EPHA6: variants seen among roughly 807,000 people sequenced by gnomAD.
EPHA6 encodes ephrin type-A receptor 6.
Under a neutral mutation model 112.0 loss-of-function variants are expected in EPHA6, and 50 were observed. That is an observed-to-expected ratio of 0.45 (90% confidence interval 0.36 to 0.56). EPHA6 has a LOEUF of 0.56. EPHA6 is among the 20% of genes least tolerant of loss of function. The probability of loss-of-function intolerance (pLI) is 0.00; values close to 1 mark genes in which losing one functional copy is unlikely to be tolerated. For synonymous variants in EPHA6, 529 were observed against 490.7 expected, an observed-to-expected ratio of 1.08 and a Z score of -1.03; for missense variants, 1,280 against 1,417.4, an observed-to-expected ratio of 0.90 and a Z score of 1.56.
chr3:97,220,961 T>A (rs866602824), intron 3 of EPHA6, among the ~76,000 whole-genome samples: 1 of 152,018 alleles, frequency 6.6e-6, no homozygotes, highest in Non-Finnish European at 1.5e-5. Flanking sequence ...TTCCAAAAGA[T>A]GTAGTGATTT....
chr3:97,544,932 C>T lies in EPHA6; in HGVS notation c.2386+12389C>T, dbSNP rs548572300. The stretch of plus-strand genomic sequence containing the variant: ...AGTTTGTATTTCTGTGGGAAATTTG[C>T]GTCTATTTGATTCTTCTCTCTTTTC... On this transcript the variant is annotated intron_variant, in intron 11 of 17. Transcript: ENST00000389672. Among the ~76,000 whole-genome samples, 154 of 151,082 alleles carry T rather than the reference C, an allele frequency of 1.0e-3. 1 individual carries two copies. The highest frequency in any genetic ancestry group is 2.8e-3 in the African/African-American group (117 of 41,394).
At chr3:97,381,259 G>A (rs57263364) in intron 5 of EPHA6, among the ~76,000 whole-genome samples, 6,810 of 151,948 alleles carry the variant, frequency 0.045, 495 homozygotes, top group African/African-American at 0.15. Flanking sequence ...ATATTTATTA[G>A]CATAATAATG....
At chr3:97,031,383 T>C (rs1187562980) in intron 3 of EPHA6, among the ~76,000 whole-genome samples, 2 of 152,082 alleles carry the variant, frequency 1.3e-5, no homozygotes, top group Non-Finnish European at 2.9e-5. Context: ...GACATAGGCA[T>C]GGGCAAGGAC....
At chr3:97,253,758 A>C (rs1222054638) in intron 5 of EPHA6, among the ~76,000 whole-genome samples, 1 of 152,058 alleles carries the variant, frequency 6.6e-6, no homozygotes, top group Non-Finnish European at 1.5e-5. Context: ...TTACTTTATA[A>C]TGCTCATATT....
chr3:97,294,253 C>G (rs2080799449), intron 5 of EPHA6, among the ~76,000 whole-genome samples: 2 of 152,204 alleles, frequency 1.3e-5, no homozygotes, highest in Non-Finnish European at 2.9e-5. Context: ...ACAAAGCACA[C>G]AGCCCCCAGC....
intron 5 of EPHA6, among the ~76,000 whole-genome samples, chr3:97,330,276 G>A (rs1425491654): frequency 1.3e-5 from 2 of 152,080 alleles, no homozygotes; most frequent in Non-Finnish European, 2.9e-5. Flanking sequence ...TGTTCTTTAG[G>A]CTTAGGATTG....
intron 3 of EPHA6, among the ~76,000 whole-genome samples, chr3:97,176,257 A>G (rs1368542836): frequency 2.6e-5 from 4 of 151,930 alleles, no homozygotes; most frequent in African/African-American, 7.2e-5. Context: ...CCACTTGGTC[A>G]TGATGAATGA....
At chr3:97,101,322 C>G (rs2047396806) in intron 3 of EPHA6, among the ~76,000 whole-genome samples, 1 of 152,038 alleles carries the variant, frequency 6.6e-6, no homozygotes, top group African/African-American at 2.4e-5. Context: ...TAAAATGTCA[C>G]TGATAGGATG....
chr3:97,398,846 G>T (rs2086832423), intron 5 of EPHA6, among the ~76,000 whole-genome samples: 1 of 151,312 alleles, frequency 6.6e-6, no homozygotes, highest in South Asian at 2.1e-4. Flanking sequence ...CATAAAAATG[G>T]TATATATTTA....
intron 2 of EPHA6, among the ~76,000 whole-genome samples, chr3:96,923,482 G>GTT (rs545077444): frequency 2.7e-5 from 4 of 146,752 alleles, no homozygotes; most frequent in East Asian, 4.0e-4. Context: ...ACTATTTAAG[G>GTT]TTTTTTTTTT....
intron 5 of EPHA6, among the ~76,000 whole-genome samples, chr3:97,305,813 G>C (rs2081295532): frequency 6.6e-6 from 1 of 151,830 alleles, no homozygotes; most frequent in Admixed American, 6.6e-5. Flanking sequence ...AACCATCATG[G>C]AACACATTTA....
At chr3:97,239,379 G>A (rs1275113339) in intron 4 of EPHA6, among the ~76,000 whole-genome samples, 1 of 151,666 alleles carries the variant, frequency 6.6e-6, no homozygotes, top group Non-Finnish European at 1.5e-5. Context: ...TGGGGGTTAG[G>A]GGCACCAATC....
At chr3:97,064,217 A>C (rs553316779) in intron 3 of EPHA6, among the ~76,000 whole-genome samples, 3 of 152,174 alleles carry the variant, frequency 2.0e-5, no homozygotes, top group East Asian at 1.9e-4. Flanking sequence ...TTCTCAGTTC[A>C]TATAGAATCC....
At chr3:96,835,875 A>G (rs2034381475) in intron 1 of EPHA6, among the ~76,000 whole-genome samples, 1 of 152,136 alleles carries the variant, frequency 6.6e-6, no homozygotes. Flanking sequence ...GAATCTCGTC[A>G]TTTCTGAATG....
intron 8 of EPHA6, among the ~76,000 whole-genome samples, chr3:97,476,299 T>G (rs1404833349): frequency 6.6e-6 from 1 of 151,952 alleles, no homozygotes; most frequent in Admixed American, 6.6e-5. Flanking sequence ...AAAGAATACC[T>G]CAACAGATTT....
At chr3:97,395,384 G>A (rs2109081043) in intron 5 of EPHA6, among the ~76,000 whole-genome samples, 1 of 151,860 alleles carries the variant, frequency 6.6e-6, no homozygotes, top group Non-Finnish European at 1.5e-5. Context: ...ATATAGGTCA[G>A]AAGTATTTTG....
intron 14 of EPHA6, among the ~76,000 whole-genome samples, chr3:97,711,553 G>A (rs376448195): frequency 1.5e-4 from 23 of 152,114 alleles, no homozygotes; most frequent in African/African-American, 5.3e-4. Flanking sequence ...GAAAAGGGCA[G>A]GGGCAGGGGA....
At chr3:96,858,861 T>C (rs1320337059) in intron 1 of EPHA6, among the ~76,000 whole-genome samples, 1 of 152,096 alleles carries the variant, frequency 6.6e-6, no homozygotes. Context: ...AATGTGTGTT[T>C]TGTCATAACC....
chr3:97,665,299 A>G (rs908981008), intron 14 of EPHA6, among the ~76,000 whole-genome samples: 3 of 152,228 alleles, frequency 2.0e-5, no homozygotes, highest in Non-Finnish European at 2.9e-5. Flanking sequence ...CCTTCCTTGC[A>G]CCTTATACAA....
Sources: gnomAD v4.1 joint callset for allele counts (sites outside exome capture counted in the v4.1 genomes callset) on GRCh38, gnomAD v4.1.1 for gene constraint, MANE v1.5 for transcripts, NCBI Gene and HGNC (gene_info 2026-07-23, HGNC 2026-07-21) for gene names.